SVEP1: variants seen among roughly 807,000 people sequenced by gnomAD.
SVEP1 encodes the protein sushi, von Willebrand factor type A, EGF and pentraxin domain-containing protein 1.
SVEP1 carries 164 observed loss-of-function variants against 367.3 expected under a neutral mutation model. The ratio of observed to expected loss-of-function variants is 0.45; its 90% CI spans 0.39 to 0.51. The LOEUF (loss-of-function observed/expected upper bound fraction) is 0.51, where lower values mean the gene tolerates loss of function less well. Among genes scored for constraint, SVEP1 ranks in the 20% least tolerant of loss-of-function variants. SVEP1 has a pLI of 0.00. For missense variants in SVEP1, 4,117 were observed against 4,425.3 expected, an observed-to-expected ratio of 0.93 and a Z score of 1.98; for synonymous variants, 1,666 against 1,611.6, an observed-to-expected ratio of 1.03 and a Z score of -0.81.
In SVEP1 at chr9:110,406,721, G is replaced by C. The variant is rs1367170544; in HGVS notation, c.8879C>G (p.Pro2960Arg). The change falls in exon 38 of 48, where the codon CCT becomes CGT. Residue 2960 changes from proline (P) to arginine (R), a missense_variant. Coordinates refer to ENST00000374469, the MANE Select transcript of SVEP1 (RefSeq NM_153366.4). ...CCCATGAATAAAGGAAAAACCATTA[G>C]GGAAACCATGGGCAAGATCTTCAGG... ...GPPEDLAHGFPNGFSFIHGGH... is the reference protein window; with the variant it reads ...GPPEDLAHGFRNGFSFIHGGH... The C allele has an allele frequency of 6.2e-7, 1 of 1,614,000 alleles. No homozygotes were observed.
chr9:110,439,742 T>C (rs575415314), intron 27 of SVEP1, among the ~76,000 whole-genome samples: 2 of 152,146 alleles, frequency 1.3e-5, no homozygotes, highest in Admixed American at 6.6e-5. Context: ...TATTTCTTTA[T>C]GGTAACCCAA....
At chr9:110,435,689 C>A (rs901095802) in intron 28 of SVEP1, among the ~76,000 whole-genome samples, 1 of 152,138 alleles carries the variant, frequency 6.6e-6, no homozygotes, top group African/African-American at 2.4e-5. Flanking sequence ...ATGTCTTTGA[C>A]CTCTGACACA....
intron 1 of SVEP1, among the ~76,000 whole-genome samples, chr9:110,573,670 C>G (rs151133950): frequency 6.6e-6 from 1 of 151,642 alleles, no homozygotes; most frequent in East Asian, 1.9e-4. Flanking sequence ...ATGTGAAATA[C>G]GTAGGATTGA....
intron 24 of SVEP1, among the ~76,000 whole-genome samples, chr9:110,449,137 G>A (rs1170312647): frequency 6.6e-6 from 1 of 152,140 alleles, no homozygotes; most frequent in Non-Finnish European, 1.5e-5. Context: ...GCAAAGAGTG[G>A]GGGATGGAAT....
At chr9:110,389,174 C>T (rs778170756) in intron 41 of SVEP1, among the ~76,000 whole-genome samples, 1 of 152,068 alleles carries the variant, frequency 6.6e-6, no homozygotes, top group Non-Finnish European at 1.5e-5. Flanking sequence ...TTGGCTAGTA[C>T]TGTCACCAAA....
At position 110,469,116 on chromosome 9, in the gene SVEP1, A is replaced by G. The variant is rs767901871; in HGVS notation, c.2999-15T>C. ...AGGGCAATTGACTACAGAAAAAGCA[A>G]ACAGGAAACACTGAATAAACTACAA... On this transcript the variant is annotated splice_polypyrimidine_tract_variant and intron_variant, in intron 16 of 47. Transcript: ENST00000374469. 1.2e-6 allele frequency: 2 copies of G among 1,607,062 alleles called. No individual in the cohort carries two copies. The highest frequency in any genetic ancestry group is 2.7e-5 in the African/African-American group (2 of 74,690).
rs1827200037 is a variant in SVEP1 at position 110,366,418 on chromosome 9, C to A, written c.*121G>T. The A allele has an allele frequency of 1.0e-6, 1 of 966,378 alleles. No homozygotes were observed. The allele number at this position is 966,378 out of a possible 1,614,324, so 59.9% of individuals were successfully genotyped here. ...AAATAAAAAAAGTAACCCCAAGTAA[C>A]AAGTTTACTAAACAAGACCCAGCAC... is the stretch of plus-strand genomic sequence containing the variant. On this transcript the variant is annotated 3_prime_UTR_variant, in exon 48 of 48. Coordinates refer to ENST00000374469, the MANE Select transcript of SVEP1 (RefSeq NM_153366.4).
chr9:110,579,344 G>C lies in SVEP1; in HGVS notation c.200C>G (p.Ala67Gly), dbSNP rs1436473268. 5 of 1,553,178 alleles carry C rather than the reference G, an allele frequency of 3.2e-6. No individual in the cohort carries two copies. Among genetic ancestry groups the C allele is most frequent in the Admixed American group, 1.9e-5 (1 of 51,410 alleles). ...CAGCAGCCGCACGCGTCGCCGGAAC[G>C]CCTGGCCCAGCCGCTCCACTCTGCT... ...AGSRVERLGQ[A>G]FRRRVRLLRE... The change falls in exon 1 of 48, where the codon GCG (alanine) becomes GGG (glycine). Residue 67 changes from alanine (A) to glycine (G), a missense_variant. By Grantham distance (60) the Ala-to-Gly change is moderately conservative. Around this residue, in one of 4 missense-constraint regions of SVEP1, gnomAD observed 161 missense variants for 122.4 expected, o/e 1.32. Transcript: ENST00000374469. This position sits in a 1 kb window ranked among gnomAD's most constrained non-coding sequence, Gnocchi z 5.3.
chr9:110,430,902 C>T (rs556455307), intron 32 of SVEP1, among the ~76,000 whole-genome samples: 1 of 152,194 alleles, frequency 6.6e-6, no homozygotes, highest in Admixed American at 6.5e-5. Flanking sequence ...CTGGGCTCTC[C>T]CTATCTACAG....
In SVEP1 at chr9:110,411,186, C is replaced by A. The variant is rs1319877020; in HGVS notation, c.6525G>T (p.Gly2175=). ...GAMVAYSCNK[G]FYIKGEKKST... ...TCTTCTTTTCCCCTTTGATGTAGAACCCCTTGTTGCAGCTGTAAGCCACCA... is the reference window on the plus strand; with the variant it reads ...TCTTCTTTTCCCCTTTGATGTAGAAACCCTTGTTGCAGCTGTAAGCCACCA... Residue 2175 remains glycine, a synonymous_variant, in exon 37 of 48, where the codon GGG becomes GGT. Coordinates refer to ENST00000374469, the MANE Select transcript of SVEP1 (RefSeq NM_153366.4). 6.2e-7 allele frequency: 1 copy of A among 1,613,908 alleles called. No homozygotes were observed. Among genetic ancestry groups the A allele is most frequent in the African/African-American group, 1.3e-5 (1 of 74,940 alleles).
chr9:110,574,866 C>T (rs1190061749), intron 1 of SVEP1, among the ~76,000 whole-genome samples: 1 of 151,482 alleles, frequency 6.6e-6, no homozygotes, highest in Non-Finnish European at 1.5e-5. Context: ...CTGCCTCAGC[C>T]TCCCGAGTAG....
intron 3 of SVEP1, among the ~76,000 whole-genome samples, chr9:110,530,688 C>G (rs1233511086): frequency 6.6e-6 from 1 of 152,040 alleles, no homozygotes; most frequent in Non-Finnish European, 1.5e-5. Flanking sequence ...AGATGCACAC[C>G]ACAGTGACCA....
At chr9:110,482,740 C>G (rs1256878938) in intron 10 of SVEP1, among the ~76,000 whole-genome samples, 1 of 152,176 alleles carries the variant, frequency 6.6e-6, no homozygotes, top group Non-Finnish European at 1.5e-5. Context: ...GTTGGCCAGG[C>G]TGGTCTTGAA....
Position 110,465,927 on chromosome 9 carries a change from A to T in SVEP1, c.3260T>A (p.Leu1087His), listed in dbSNP as rs1278357232. Residue 1087 changes from leucine to histidine, a missense_variant, in exon 18 of 48, where the codon CTC becomes CAC. Coordinates refer to ENST00000374469, the MANE Select transcript of SVEP1 (RefSeq NM_153366.4). Reference protein sequence around the residue: ...YQPKFGSRSCLSCPENTSTVK... With the variant: ...YQPKFGSRSCHSCPENTSTVK... ...AGTTGAGGTGTTTTCTGGACACGAG[A>T]GGCAGCTCCGGGAACCAAATTTTGG... The T allele has an allele frequency of 6.2e-7, 1 of 1,613,006 alleles. No individual in the cohort carries two copies. The highest frequency in any genetic ancestry group is 8.5e-7 in the Non-Finnish European group (1 of 1,179,468).
chr9:110,428,817 T>C (rs1420551487), intron 35 of SVEP1, among the ~76,000 whole-genome samples: 1 of 152,226 alleles, frequency 6.6e-6, no homozygotes, highest in African/African-American at 2.4e-5. Context: ...ACACCTGTAA[T>C]TCCAGCACTT....
chr9:110,552,318 C>A (rs970517452), intron 1 of SVEP1, among the ~76,000 whole-genome samples: 1 of 152,056 alleles, frequency 6.6e-6, no homozygotes, highest in Admixed American at 6.6e-5. Flanking sequence ...GCGTGAGCCA[C>A]CACGCCCTGC....
intron 14 of SVEP1, among the ~76,000 whole-genome samples, chr9:110,474,321 T>C (rs1175424045): frequency 1.3e-5 from 2 of 152,142 alleles, no homozygotes; most frequent in East Asian, 1.9e-4. Flanking sequence ...TTATATTACA[T>C]GATTATTATG....
chr9:110,539,531 T>C (rs904379089), intron 3 of SVEP1, among the ~76,000 whole-genome samples: 4 of 152,122 alleles, frequency 2.6e-5, no homozygotes, highest in Non-Finnish European at 5.9e-5. Context: ...AAGATGCTAC[T>C]TTGTAAGTTT....
intron 2 of SVEP1, among the ~76,000 whole-genome samples, chr9:110,546,667 C>T (rs758026425): frequency 1.3e-5 from 2 of 152,136 alleles, no homozygotes; most frequent in African/African-American, 2.4e-5. Context: ...TGAGGTCAGG[C>T]CCCAGCAACG....
Sources: gnomAD v4.1 joint callset for allele counts (sites outside exome capture counted in the v4.1 genomes callset) on GRCh38, gnomAD v4.1.1 for gene constraint, gnomAD v4.1.1 regional missense constraint, Gnocchi (gnomAD v3.1) non-coding constraint, MANE v1.5 for transcripts, NCBI Gene and HGNC (gene_info 2026-07-23, HGNC 2026-07-21) for gene names.